Variants in PLCL1 observed in about 807,000 individuals in gnomAD.
The protein encoded by PLCL1 is inactive phospholipase C-like protein 1.
In PLCL1, 41 loss-of-function variants were observed where a neutral mutation model predicts 84.4. The observed-to-expected ratio is 0.49, with a 90% CI of 0.38 to 0.63. PLCL1 has a LOEUF of 0.63. Ranked by LOEUF, PLCL1 falls within the 30% of genes least tolerant of loss-of-function variation. The probability of loss-of-function intolerance (pLI) is 0.00; values close to 1 mark genes in which losing one functional copy is unlikely to be tolerated. For missense variants in PLCL1, 1,206 were observed against 1,367.8 expected, an observed-to-expected ratio of 0.88 and a Z score of 1.87; for synonymous variants, 490 against 488.3, an observed-to-expected ratio of 1.00 and a Z score of -0.05.
chr2:197,868,671 A>AT (rs1003518323), intron 1 of PLCL1, among the ~76,000 whole-genome samples: 1,389 of 138,618 alleles, frequency 0.01, 16 homozygotes, highest in African/African-American at 0.031. Context: ...GGCTAATTGA[A>AT]TTTTTTTTTT....
At chr2:198,001,893 C>T (rs942744213) in intron 1 of PLCL1, 12 of 378,588 alleles carry the variant, frequency 3.2e-5, no homozygotes, top group African/African-American at 6.3e-5. Context: ...ATCTAGGTTA[C>T]GTGTTCCTTA....
At chr2:198,076,132 C>A (rs554869892) in intron 1 of PLCL1, among the ~76,000 whole-genome samples, 1 of 151,746 alleles carries the variant, frequency 6.6e-6, no homozygotes, top group African/African-American at 2.4e-5. Context: ...TTTACAAAAA[C>A]AAATCAATGG....
intron 1 of PLCL1, among the ~76,000 whole-genome samples, chr2:197,822,029 AATG>A (rs1165462333): frequency 6.6e-6 from 1 of 152,154 alleles, no homozygotes; most frequent in Admixed American, 6.5e-5. Context: ...TTGGCTTCAA[AATG>A]ATGTCTCACA....
intron 1 of PLCL1, among the ~76,000 whole-genome samples, chr2:197,923,423 G>T (rs1464040098): frequency 6.1e-4 from 86 of 141,992 alleles, no homozygotes; most frequent in African/African-American, 2.0e-3. Flanking sequence ...CAGGCAGAGG[G>T]TCTCCTCACT....
intron 1 of PLCL1, among the ~76,000 whole-genome samples, chr2:198,047,996 A>G (rs1191518249): frequency 6.6e-6 from 1 of 152,196 alleles, no homozygotes; most frequent in Non-Finnish European, 1.5e-5. Flanking sequence ...CAACCACAAA[A>G]TTTCATAGAG....
At chr2:198,127,086 T>G (rs1694007107) in intron 5 of PLCL1, among the ~76,000 whole-genome samples, 1 of 152,064 alleles carries the variant, frequency 6.6e-6, no homozygotes, top group Admixed American at 6.6e-5. Context: ...TCTCCCATGT[T>G]ATTTCTGATG....
intron 1 of PLCL1, among the ~76,000 whole-genome samples, chr2:198,077,823 C>A (rs1692615532): frequency 6.6e-6 from 1 of 152,106 alleles, no homozygotes; most frequent in Admixed American, 6.6e-5. Flanking sequence ...ATATTTCATA[C>A]CTCATTTAGT....
chr2:197,980,201 G>C (rs1297801336), intron 1 of PLCL1, among the ~76,000 whole-genome samples: 1 of 152,154 alleles, frequency 6.6e-6, no homozygotes, highest in Admixed American at 6.5e-5. Context: ...GGAAATGAAA[G>C]GAAGGAGCAG....
chr2:197,957,242 G>A (rs528592457), intron 1 of PLCL1, among the ~76,000 whole-genome samples: 1 of 151,888 alleles, frequency 6.6e-6, no homozygotes, highest in Non-Finnish European at 1.5e-5. Flanking sequence ...TTGTTCCTTT[G>A]TGTTATAATT....
chr2:198,097,230 G>A (rs1357510853), intron 3 of PLCL1, among the ~76,000 whole-genome samples: 1 of 152,154 alleles, frequency 6.6e-6, no homozygotes, highest in Non-Finnish European at 1.5e-5. Context: ...TCACATGTGG[G>A]TACAGCAATG....
At chr2:197,918,926 C>T (rs958255348) in intron 1 of PLCL1, among the ~76,000 whole-genome samples, 2 of 150,298 alleles carry the variant, frequency 1.3e-5, no homozygotes, top group African/African-American at 4.9e-5. Context: ...GGGCAACAGA[C>T]GGAGACCCTG....
intron 1 of PLCL1, among the ~76,000 whole-genome samples, chr2:197,901,565 A>T (rs1688269447): frequency 6.6e-6 from 1 of 152,230 alleles, no homozygotes. Context: ...GCAATGTTCC[A>T]GAAGAGACAG....
At chr2:198,135,088 C>T (rs987410627) in intron 5 of PLCL1, among the ~76,000 whole-genome samples, 2 of 152,096 alleles carry the variant, frequency 1.3e-5, no homozygotes, top group African/African-American at 4.8e-5. Flanking sequence ...TTGGGCCATC[C>T]TCTGTCTCTC....
At position 198,084,445 on chromosome 2, in the gene PLCL1, C is replaced by T. The variant is rs770796513; in HGVS notation, c.928C>T (p.Leu310Phe). The T allele has an allele frequency of 1.2e-6, 2 of 1,614,054 alleles. No individual in the cohort carries two copies. Among genetic ancestry groups the T allele is most frequent in the Non-Finnish European group, 1.7e-6 (2 of 1,179,930 alleles). Residue 310 changes from leucine (L) to phenylalanine (F), a missense_variant, in exon 2 of 6, where the codon CTT (leucine) becomes TTT (phenylalanine). Leu to Phe is a conservative substitution (Grantham distance 22). Transcript: ENST00000428675. ...EEEFCEAFCE[L>F]CTRPEVYFLL... ...GGAATTTTGTGAAGCTTTTTGTGAA[C>T]TTTGCACCAGGCCAGAAGTGTATTT...
intron 1 of PLCL1, among the ~76,000 whole-genome samples, chr2:197,928,313 A>C (rs1245233747): frequency 1.3e-5 from 2 of 152,194 alleles, no homozygotes; most frequent in Non-Finnish European, 2.9e-5. Context: ...CAGTGGCATT[A>C]AGCAAGCAAA....
intron 5 of PLCL1, among the ~76,000 whole-genome samples, chr2:198,144,088 A>C (rs1385832105): frequency 6.6e-6 from 1 of 152,182 alleles, no homozygotes; most frequent in African/African-American, 2.4e-5. Flanking sequence ...TCTTAGAACC[A>C]ATGAGATGAC....
At chr2:197,907,528 T>G (rs1467110667) in intron 1 of PLCL1, among the ~76,000 whole-genome samples, 1 of 152,166 alleles carries the variant, frequency 6.6e-6, no homozygotes, top group African/African-American at 2.4e-5. Flanking sequence ...GTGAAAAGTT[T>G]GAGCTGATCC....
At chr2:197,917,350 G>A (rs1688616830) in intron 1 of PLCL1, among the ~76,000 whole-genome samples, 1 of 152,148 alleles carries the variant, frequency 6.6e-6, no homozygotes, top group Admixed American at 6.5e-5. Context: ...AAAAAGAAAT[G>A]GATGAATCTT....
At chr2:198,063,498 A>G (rs544015862) in intron 1 of PLCL1, among the ~76,000 whole-genome samples, 2 of 152,316 alleles carry the variant, frequency 1.3e-5, no homozygotes, top group South Asian at 4.1e-4. Context: ...TGGCTGTACA[A>G]GTATGATAGC....
Sources: gnomAD v4.1 joint callset for allele counts (sites outside exome capture counted in the v4.1 genomes callset) on GRCh38, gnomAD v4.1.1 for gene constraint, MANE v1.5 for transcripts, NCBI Gene and HGNC (gene_info 2026-07-23, HGNC 2026-07-21) for gene names.